Variants in CIB4 observed in about 807,000 individuals in gnomAD.
CIB4 encodes calcium and integrin-binding family member 4.
A neutral mutation model predicts 25.8 loss-of-function variants in CIB4; 25 were observed. The ratio of observed to expected loss-of-function variants is 0.97; its 90% confidence interval spans 0.71 to 1.35. The LOEUF is 1.35. Ranked by LOEUF, CIB4 falls within the 40% of genes most tolerant of loss-of-function variation. The probability of loss-of-function intolerance (pLI) is 0.00; values close to 1 mark genes in which losing one functional copy is unlikely to be tolerated. For missense variants in CIB4, 235 were observed against 228.2 expected (o/e 1.03, Z -0.19); for synonymous variants, 75 against 81.4 (o/e 0.92, Z 0.42).
At position 26,589,096 on chromosome 2, in the gene CIB4, T is replaced by TTCTTCCTCTTCC. The variant is rs1553373226; in HGVS notation, c.329-5199_329-5198insGGAAGAGGAAGA. Among the ~76,000 whole-genome samples the TTCTTCCTCTTCC allele has an allele frequency of 4.1e-4, 25 of 61,074 alleles. 1 individual carries two copies. Among genetic ancestry groups the TTCTTCCTCTTCC allele is most frequent in the Non-Finnish European group, 6.1e-4 (19 of 31,304 alleles). 40.1% of individuals were successfully genotyped at this position (61,074 alleles called of 152,430 possible). On this transcript the variant is annotated intron_variant, in intron 4 of 6. Transcript: ENST00000288861. ...CCTCTTCTTCTTCTTCTTCTTCTTC[T>TTCTTCCTCTTCC]TCTTCTTCTTCCTCTTCTTCTTCTT...
At chr2:26,600,509 A>G (rs1374684739) in intron 3 of CIB4, among the ~76,000 whole-genome samples, 2 of 152,348 alleles carry the variant, frequency 1.3e-5, no homozygotes, top group East Asian at 3.9e-4. Context: ...AGAAAGAGGT[A>G]GATGAAGGTG....
In CIB4 at chr2:26,633,738, C is replaced by T. The variant is rs1669478656; in HGVS notation, c.90-4232G>A. On this transcript the variant is annotated intron_variant, in intron 2 of 6. Transcript: ENST00000288861. ...TGAAAAACTCACACATTCAGCCTGC[C>T]AGCAATCCAGCAGCCTGGGCCATGG... is the stretch of plus-strand genomic sequence containing the variant. Among the ~76,000 whole-genome samples, 2 of 152,224 alleles carry T rather than the reference C, an allele frequency of 1.3e-5. 1 individual carries two copies. Among genetic ancestry groups the T allele is most frequent in the South Asian group, 4.1e-4 (2 of 4,832 alleles).
chr2:26,625,289 G>A (rs1410830387), intron 3 of CIB4, among the ~76,000 whole-genome samples: 1 of 151,348 alleles, frequency 6.6e-6, no homozygotes, highest in African/African-American at 2.4e-5. Flanking sequence ...AAACCTGCAT[G>A]TGCTTGTACC....
intron 4 of CIB4, among the ~76,000 whole-genome samples, chr2:26,590,256 T>C (rs1168132096): frequency 2.2e-5 from 1 of 44,702 alleles, no homozygotes; most frequent in African/African-American, 7.3e-5. Context: ...CCCAAGCATC[T>C]GTAAAAAAAA....
intron 3 of CIB4, among the ~76,000 whole-genome samples, chr2:26,616,578 A>C (rs1669096761): frequency 6.6e-6 from 1 of 152,094 alleles, no homozygotes; most frequent in Admixed American, 6.5e-5. Flanking sequence ...GGGTGCTGGG[A>C]GCTGAAGGGG....
chr2:26,631,660 G>C (rs1669422494), intron 2 of CIB4, among the ~76,000 whole-genome samples: 1 of 152,132 alleles, frequency 6.6e-6, no homozygotes, highest in Admixed American at 6.5e-5. Flanking sequence ...TCCCAGCCCT[G>C]GGAGAGTGGA....
chr2:26,584,518 G>A (rs553702444), intron 4 of CIB4, among the ~76,000 whole-genome samples: 2 of 152,360 alleles, frequency 1.3e-5, no homozygotes, highest in South Asian at 4.1e-4. Flanking sequence ...CCACAGTGGG[G>A]CTGGCCATAC....
chr2:26,614,360 G>A (rs751812512), intron 3 of CIB4, among the ~76,000 whole-genome samples: 12 of 152,144 alleles, frequency 7.9e-5, no homozygotes, highest in Admixed American at 2.0e-4. Context: ...CAGGCCCACC[G>A]GCCCCTTCCC....
At chr2:26,607,963 C>A (rs901398574) in intron 3 of CIB4, among the ~76,000 whole-genome samples, 1 of 152,232 alleles carries the variant, frequency 6.6e-6, no homozygotes, top group Admixed American at 6.5e-5. Flanking sequence ...TCTGGCCGGG[C>A]GCGATGGCTC....
At chr2:26,617,120 A>ATATGTGTGTGTGTGTGTG (rs146713738) in intron 3 of CIB4, among the ~76,000 whole-genome samples, 22 of 137,792 alleles carry the variant, frequency 1.6e-4, no homozygotes, top group African/African-American at 6.3e-4. Context: ...AGAGCATGGA[A>ATATGTGTGTGTGTGTGTG]TGTGTGTGTG....
chr2:26,587,981 G>C lies in CIB4; in HGVS notation c.329-4083C>G, dbSNP rs568731375. Among the ~76,000 whole-genome samples, 4 of 152,344 alleles carry C rather than the reference G, an allele frequency of 2.6e-5. No individual in the cohort carries two copies. The South Asian group carries it at 6.2e-4, about 24-fold the overall frequency. On this transcript the variant is annotated intron_variant, in intron 4 of 6. Transcript: ENST00000288861. ...CAGGATATGGGTGTGGAAGGTGTAA[G>C]TTCCCCTCACTCCTCCAGCAGTGCC...
intron 3 of CIB4, among the ~76,000 whole-genome samples, chr2:26,616,135 C>T (rs1282477151): frequency 6.6e-6 from 1 of 152,182 alleles, no homozygotes; most frequent in African/African-American, 2.4e-5. Flanking sequence ...CAACTCCCTC[C>T]TCAAACAGTT....
rs142547763 is a variant in CIB4 at position 26,626,734 on chromosome 2, C to A, written c.186+2676G>T. 1.3e-3 allele frequency among the ~76,000 whole-genome samples: 192 copies of A among 152,258 alleles called. 1 individual carries two copies. The highest frequency in any genetic ancestry group is 4.1e-3 in the African/African-American group (171 of 41,544). On this transcript the variant is annotated intron_variant, in intron 3 of 6. Transcript: ENST00000288861. ...GTCTGAGACTCCAGAAAAGGTGAAG[C>A]ATCCCAGCCCCGGCCTGTGCACCTA...
chr2:26,589,133 TCTTCTTCTC>T (rs1668535336), intron 4 of CIB4, among the ~76,000 whole-genome samples: 2 of 131,036 alleles, frequency 1.5e-5, no homozygotes, highest in African/African-American at 3.1e-5. Context: ...TTCTTCTTCT[TCTTCTTCTC>T]CTTCCCCTTC....
intron 3 of CIB4, among the ~76,000 whole-genome samples, chr2:26,620,328 G>A (rs751154080): frequency 2.0e-5 from 3 of 152,244 alleles, no homozygotes; most frequent in African/African-American, 4.8e-5. Flanking sequence ...TGAAAGGAAG[G>A]TCAATTGCAA....
chr2:26,597,435 A>AT (rs1321431563), intron 3 of CIB4, among the ~76,000 whole-genome samples: 1 of 151,944 alleles, frequency 6.6e-6, no homozygotes, highest in African/African-American at 2.4e-5. Context: ...TTAAAAAAAA[A>AT]AAAAAACTGA....
At chr2:26,626,223 T>C (rs1004613381) in intron 3 of CIB4, among the ~76,000 whole-genome samples, 1 of 152,192 alleles carries the variant, frequency 6.6e-6, no homozygotes, top group African/African-American at 2.4e-5. Context: ...TTGCCGAAGA[T>C]CATGTGGCTA....
chr2:26,592,840 T>G (rs1668609731), intron 4 of CIB4, among the ~76,000 whole-genome samples: 1 of 152,252 alleles, frequency 6.6e-6, no homozygotes, highest in Non-Finnish European at 1.5e-5. Context: ...AGATTTCCTA[T>G]CTTTTCATTT....
intron 3 of CIB4, among the ~76,000 whole-genome samples, chr2:26,626,586 T>C (rs932160553): frequency 6.6e-6 from 1 of 152,216 alleles, no homozygotes; most frequent in Non-Finnish European, 1.5e-5. Context: ...CTGGCTCTTA[T>C]TTGTATAATA....
Sources: allele counts gnomAD v4.1 joint callset (sites outside exome capture counted in the v4.1 genomes callset), GRCh38; gene constraint gnomAD v4.1.1; transcripts MANE v1.5; gene names NCBI Gene and HGNC (gene_info 2026-07-23, HGNC 2026-07-21).